The following ZNF474 variants were observed in gnomAD, a reference collection of about 807,000 sequenced individuals.
ZNF474 encodes 4933409D10Rik.
For missense variants in ZNF474, 511 were observed against 433.8 expected (o/e 1.18, Z -1.58); for synonymous variants, 192 against 162.2 (o/e 1.18, Z -1.39).
At chr5:122,150,193 C>G (rs944928686) in intron 1 of ZNF474, among the ~76,000 whole-genome samples, 4 of 152,108 alleles carry the variant, frequency 2.6e-5, no homozygotes, top group African/African-American at 9.7e-5. Context: ...TTCCTATGTT[C>G]CATAGATCTA....
At chr5:122,144,089 T>C (rs1264915233) in intron 1 of ZNF474, among the ~76,000 whole-genome samples, 1 of 152,148 alleles carries the variant, frequency 6.6e-6, no homozygotes, top group Non-Finnish European at 1.5e-5. Flanking sequence ...CTTATGAAAA[T>C]TCCTTCTTAA....
At chr5:122,141,836 C>T (rs1046978270) in intron 1 of ZNF474, among the ~76,000 whole-genome samples, 1 of 152,144 alleles carries the variant, frequency 6.6e-6, no homozygotes, top group Admixed American at 6.6e-5. Flanking sequence ...AACTCTTAGA[C>T]CCCTTCTTTG....
chr5:122,141,300 A>ACTTT (rs1755839307), intron 1 of ZNF474, among the ~76,000 whole-genome samples: 2 of 64,342 alleles, frequency 3.1e-5, no homozygotes, highest in African/African-American at 7.4e-5. Flanking sequence ...ACCCCTGGCT[A>ACTTT]TTTTTTTTTT....
At position 122,152,843 on chromosome 5, in the gene ZNF474, G is replaced by A. The variant is rs745551555; in HGVS notation, c.853G>A (p.Val285Met). ...AGCGGGACCAAATCAAGCTCAGCTTGTGTTCTGCCCACATTGTAGCCGAAT... is the reference window on the plus strand; with the variant it reads ...AGCGGGACCAAATCAAGCTCAGCTTATGTTCTGCCCACATTGTAGCCGAAT... The part of the protein sequence containing the change: ...SQAGPNQAQL[V>M]FCPHCSRIFT... Residue 285 changes from valine (V) to methionine (M), a missense_variant, in exon 2 of 2, where the codon GTG becomes ATG. Physicochemically the swap from Val to Met is conservative, Grantham distance 21. Coordinates refer to ENST00000296600, the MANE Select transcript of ZNF474 (RefSeq NM_207317.3). The A allele has an allele frequency of 7.4e-6, 12 of 1,614,006 alleles. No homozygotes were observed. The highest frequency in any genetic ancestry group is 1.3e-5 in the African/African-American group (1 of 74,910).
intron 1 of ZNF474, among the ~76,000 whole-genome samples, chr5:122,136,572 C>T (rs546670429): frequency 6.6e-6 from 1 of 152,270 alleles, no homozygotes; most frequent in African/African-American, 2.4e-5. Context: ...ATAATCTTTA[C>T]CATGAGGTAT....
At chr5:122,139,212 C>T (rs568147444) in intron 1 of ZNF474, among the ~76,000 whole-genome samples, 2 of 152,066 alleles carry the variant, frequency 1.3e-5, no homozygotes, top group Non-Finnish European at 2.9e-5. Context: ...CCATGTCAAA[C>T]GGAGTTTAAT....
chr5:122,152,836 T>C lies in ZNF474; in HGVS notation c.846T>C (p.Ala282=). 1 of 1,614,056 alleles carries C rather than the reference T, an allele frequency of 6.2e-7. No individual in the cohort carries two copies. Among genetic ancestry groups the C allele is most frequent in the Non-Finnish European group, 8.5e-7 (1 of 1,180,010 alleles). Residue 282 remains alanine (A), a synonymous_variant, in exon 2 of 2, where the codon GCT becomes GCC. Coordinates refer to ENST00000296600, the MANE Select transcript of ZNF474 (RefSeq NM_207317.3). ...AQSSQAGPNQ[A]QLVFCPHCSR... ...CCAGCCAAGCGGGACCAAATCAAGC[T>C]CAGCTTGTGTTCTGCCCACATTGTA...
At chr5:122,132,436 G>T (rs141762920) in intron 1 of ZNF474, among the ~76,000 whole-genome samples, 1 of 152,000 alleles carries the variant, frequency 6.6e-6, no homozygotes, top group East Asian at 1.9e-4. Flanking sequence ...CTTGCAAACA[G>T]TTCTTCCCAA....
chr5:122,138,429 T>A lies in ZNF474; in HGVS notation c.-213+8746T>A, dbSNP rs567896532. 2.3e-3 allele frequency among the ~76,000 whole-genome samples: 356 copies of A among 152,304 alleles called. 1 individual carries two copies. Among genetic ancestry groups the A allele is most frequent in the African/African-American group, 8.1e-3 (335 of 41,562 alleles). On this transcript the variant is annotated intron_variant, in intron 1 of 1. Coordinates refer to ENST00000296600, the MANE Select transcript of ZNF474 (RefSeq NM_207317.3). ...CTTCTCAGCCTGGCCTCACCACCAA[T>A]GAGACTTCTCCCAAGTTCAAAGATA...
At position 122,149,539 on chromosome 5, in the gene ZNF474, G is replaced by T. The variant is rs191348257; in HGVS notation, c.-212-2240G>T. Among the ~76,000 whole-genome samples, 469 of 152,282 alleles carry T rather than the reference G, an allele frequency of 3.1e-3. 1 individual carries two copies. Among genetic ancestry groups the T allele is most frequent in the Admixed American group, 3.9e-3 (60 of 15,300 alleles). ...AAACTAAAGGGAAGAAGCTCTGCTG[G>T]AGGAATTTAGGCAGAATGAATAATG... On this transcript the variant is annotated intron_variant, in intron 1 of 1. Transcript: ENST00000296600.
intron 1 of ZNF474, among the ~76,000 whole-genome samples, chr5:122,131,953 C>G (rs911625664): frequency 2.6e-5 from 4 of 151,910 alleles, no homozygotes; most frequent in African/African-American, 9.7e-5. Flanking sequence ...CCAACAAAGA[C>G]GTAAATATAA....
chr5:122,149,714 T>C (rs953205168), intron 1 of ZNF474, among the ~76,000 whole-genome samples: 1 of 152,206 alleles, frequency 6.6e-6, no homozygotes, highest in Non-Finnish European at 1.5e-5. Context: ...TTCATAATCA[T>C]TTGAGAATTA....
At position 122,140,891 on chromosome 5, in the gene ZNF474, G is replaced by C. The variant is rs147855054; in HGVS notation, c.-212-10888G>C. Among the ~76,000 whole-genome samples the C allele has an allele frequency of 3.1e-3, 476 of 152,036 alleles. 1 individual carries two copies. Among genetic ancestry groups the C allele is most frequent in the African/African-American group, 0.011 (451 of 41,470 alleles). ...ATATTCCAAATTTTATCCTTGCTTT[G>C]CTCATGTTTATGTAGAGCATACAGA... On this transcript the variant is annotated intron_variant, in intron 1 of 1. Transcript: ENST00000296600.
chr5:122,137,879 G>A (rs1029318895), intron 1 of ZNF474, among the ~76,000 whole-genome samples: 17 of 152,244 alleles, frequency 1.1e-4, no homozygotes, highest in Non-Finnish European at 1.2e-4. Context: ...AAGGATAGAT[G>A]AGGGTTGAGA....
chr5:122,148,595 C>G (rs559538824), intron 1 of ZNF474, among the ~76,000 whole-genome samples: 2 of 152,114 alleles, frequency 1.3e-5, no homozygotes, highest in Non-Finnish European at 2.9e-5. Context: ...GCCCCATTCC[C>G]CCAACTGGTC....
At chr5:122,137,584 G>A (rs1755734685) in intron 1 of ZNF474, among the ~76,000 whole-genome samples, 2 of 151,516 alleles carry the variant, frequency 1.3e-5, no homozygotes, top group African/African-American at 4.9e-5. Flanking sequence ...AATGGCAAGA[G>A]CATGTGCAAA....
At chr5:122,132,803 T>C (rs1356112002) in intron 1 of ZNF474, among the ~76,000 whole-genome samples, 5 of 152,212 alleles carry the variant, frequency 3.3e-5, no homozygotes, top group Admixed American at 3.3e-4. Context: ...TGTATGTAAA[T>C]TGACCATATG....
chr5:122,153,187 T>A lies in ZNF474; in HGVS notation c.*102T>A. On this transcript the variant is annotated 3_prime_UTR_variant, in exon 2 of 2. Transcript: ENST00000296600. The stretch of plus-strand genomic sequence containing the variant: ...CTCAAAGCAGCCTGTTCAAGTTAAC[T>A]CCCTGTTGAACTCCAGGGCCTATAC... 6.9e-7 allele frequency: 1 copy of A among 1,458,582 alleles called. No individual in the cohort carries two copies. Among genetic ancestry groups the A allele is most frequent in the Non-Finnish European group, 9.2e-7 (1 of 1,087,326 alleles). The allele number at this position is 1,458,582 out of a possible 1,614,324, so 90.4% of individuals were successfully genotyped here.
intron 1 of ZNF474, among the ~76,000 whole-genome samples, chr5:122,142,472 AT>A (rs1423062617): frequency 6.6e-6 from 1 of 152,232 alleles, no homozygotes; most frequent in East Asian, 1.9e-4. Flanking sequence ...CCACAAAAAA[AT>A]TTAAACTAAA....
Sources: allele counts gnomAD v4.1 joint callset (sites outside exome capture counted in the v4.1 genomes callset), GRCh38; gene constraint gnomAD v4.1.1; transcripts MANE v1.5; gene names NCBI Gene and HGNC (gene_info 2026-07-23, HGNC 2026-07-21).